FAM149A: variants seen among roughly 807,000 people sequenced by gnomAD.
FAM149A encodes family with sequence similarity 149 member A.
Under a neutral mutation model 78.2 loss-of-function variants are expected in FAM149A, and 71 were observed. That is an observed-to-expected ratio of 0.91 (90% confidence interval 0.75 to 1.11). The LOEUF is 1.11. Among genes scored for constraint, FAM149A ranks in the 50% least tolerant of loss-of-function variants. The pLI, the probability that FAM149A is intolerant of heterozygous loss-of-function variation, is 0.00. For synonymous variants in FAM149A, 446 were observed against 410.5 expected, an observed-to-expected ratio of 1.09 and a Z score of -1.04; for missense variants, 1,036 against 971.0, an observed-to-expected ratio of 1.07 and a Z score of -0.89.
chr4:186,167,263 G>A lies in FAM149A; in HGVS notation c.2218+1G>A. The A allele has an allele frequency of 6.2e-7, 1 of 1,612,084 alleles. No homozygotes were observed. Among genetic ancestry groups the A allele is most frequent in the Non-Finnish European group, 8.5e-7 (1 of 1,178,132 alleles). On this transcript the variant is annotated splice_donor_variant, in intron 13 of 13. Coordinates refer to ENST00000389354, the MANE Select transcript of FAM149A (RefSeq NM_001367768.3). LOFTEE classifies it high-confidence loss of function. ...TGGACAGGTCAAAGTATTTTGACAG[G>A]TCAGCTTTTCTCCATATGTAAATAA...
intron 1 of FAM149A, among the ~76,000 whole-genome samples, chr4:186,111,209 G>C (rs2099311133): frequency 6.6e-6 from 1 of 151,086 alleles, no homozygotes; most frequent in Non-Finnish European, 1.5e-5. Context: ...AGAAGTGTCT[G>C]TTCATGTCCT....
rs779227790 is a variant in FAM149A, at chr4:186,154,395, C to T, written c.1059-73C>T. On this transcript the variant is annotated intron_variant, in intron 5 of 13. Transcript: ENST00000389354. ...GTACTTTACAGATAATTGAAAGATC[C>T]GCCATGATCGTTTAAGCATTGCGTT... 1.1e-4 allele frequency: 142 copies of T among 1,265,154 alleles called. 1 individual carries two copies. Among genetic ancestry groups the T allele is most frequent in the Non-Finnish European group, 1.4e-4 (125 of 913,544 alleles). The allele number at this position is 1,265,154 out of a possible 1,614,324, so 78.4% of individuals were successfully genotyped here. A position where few individuals can be genotyped will look rare whatever the true frequency, so the allele number is the denominator to read the frequency against.
At chr4:186,158,741 C>T (rs949237824) in intron 8 of FAM149A, 21 of 1,085,586 alleles carry the variant, frequency 1.9e-5, no homozygotes, top group Admixed American at 4.3e-5. Context: ...GCCTATTCAG[C>T]CGTCCCTACT....
intron 13 of FAM149A, among the ~76,000 whole-genome samples, chr4:186,170,078 C>T (rs748522974): frequency 6.6e-5 from 10 of 152,194 alleles, no homozygotes; most frequent in African/African-American, 2.2e-4. Context: ...TCTTCCTTTC[C>T]ACCAGGTGCA....
rs141900902 is a variant in FAM149A, at chr4:186,130,314, T to TATATATATATATATATATATAA, written c.567-18858_567-18857insTATATATATATATATATATAAA. Among the ~76,000 whole-genome samples, 219 of 116,434 alleles carry TATATATATATATATATATATAA rather than the reference T, an allele frequency of 1.9e-3. 3 individuals are homozygous for TATATATATATATATATATATAA. The highest frequency in any genetic ancestry group is 4.6e-3 in the Middle Eastern group (1 of 218). 76.4% of individuals were successfully genotyped at this position (116,434 alleles called of 152,430 possible). On this transcript the variant is annotated intron_variant, in intron 1 of 13. Transcript: ENST00000389354. ...CTCTCTATATATATATATATATATA[T>TATATATATATATATATATATAA]AATCTATATCGACAGAACTAAAAGG...
At chr4:186,138,047 A>G (rs1186832226) in intron 1 of FAM149A, among the ~76,000 whole-genome samples, 2 of 152,218 alleles carry the variant, frequency 1.3e-5, no homozygotes, top group Non-Finnish European at 2.9e-5. Flanking sequence ...TAATGCAAGC[A>G]TTTTTAAAAC....
chr4:186,123,954 A>C, intron 1 of FAM149A: 1 of 985,310 alleles, frequency 1.0e-6, no homozygotes, highest in Non-Finnish European at 1.2e-6. Context: ...CTATTCTAAA[A>C]ATTTGCCATC....
rs1340897454 is a variant in FAM149A at position 186,153,956 on chromosome 4, G to A, written c.1058+186G>A. Among the ~76,000 whole-genome samples, 6 of 152,228 alleles carry A rather than the reference G, an allele frequency of 3.9e-5. No homozygotes were observed. In the South Asian group the frequency reaches 6.2e-4, roughly 16 times the overall value. On this transcript the variant is annotated intron_variant, in intron 5 of 13. Transcript: ENST00000389354. ...TTCTGAATTGATGATAGGTGTATAT[G>A]TGTGTATATAGAGAGATGTGTAATA...
chr4:186,137,830 C>T (rs779972716), intron 1 of FAM149A, among the ~76,000 whole-genome samples: 2 of 151,594 alleles, frequency 1.3e-5, no homozygotes, highest in Non-Finnish European at 2.9e-5. Flanking sequence ...TTATAAATTT[C>T]ACCACTTAGG....
intron 9 of FAM149A, among the ~76,000 whole-genome samples, 200 bp downstream of exon 9, chr4:186,163,148 G>A (rs1187189587): frequency 6.6e-6 from 1 of 152,188 alleles, no homozygotes; most frequent in East Asian, 1.9e-4. Flanking sequence ...ATTTGGTAGG[G>A]AGAGATGGGG....
chr4:186,154,975 T>C, intron 6 of FAM149A: 1 of 982,512 alleles, frequency 1.0e-6, no homozygotes, highest in Non-Finnish European at 1.2e-6. Flanking sequence ...TTCTTTTTTT[T>C]TTTTTGAGAC....
chr4:186,160,710 C>T (rs1579918085), intron 8 of FAM149A: 2 of 799,732 alleles, frequency 2.5e-6, no homozygotes, highest in Non-Finnish European at 3.0e-6. Flanking sequence ...CACTACCACA[C>T]ACCACACACA....
At position 186,128,912 on chromosome 4, in the gene FAM149A, G is replaced by C. The variant is rs114786957; in HGVS notation, c.567-20261G>C. ...TGTATGTGTGTGTGTCTGGGTATGC[G>C]TCTTATGTGTTTCTGTGTGTGTGCA... is the stretch of plus-strand genomic sequence containing the variant. On this transcript the variant is annotated intron_variant, in intron 1 of 13. Coordinates refer to ENST00000389354, the MANE Select transcript of FAM149A (RefSeq NM_001367768.3). Among the ~76,000 whole-genome samples, 894 of 151,552 alleles carry C rather than the reference G, an allele frequency of 5.9e-3. 11 individuals carry two copies. The highest frequency in any genetic ancestry group is 0.021 in the African/African-American group (854 of 41,298).
chr4:186,156,682 A>G (rs1462969784), intron 7 of FAM149A, among the ~76,000 whole-genome samples: 2 of 151,888 alleles, frequency 1.3e-5, no homozygotes, highest in African/African-American at 4.8e-5. Context: ...CTCCATCTCA[A>G]AAAAAAAGAA....
intron 11 of FAM149A, among the ~76,000 whole-genome samples, chr4:186,165,720 A>T (rs913153753): frequency 2.0e-5 from 3 of 152,218 alleles, no homozygotes; most frequent in Non-Finnish European, 4.4e-5. Context: ...TGTCAAGGAA[A>T]TCTCTGATAG....
At chr4:186,124,087 C>T (rs1424015900) in intron 1 of FAM149A, 12 of 981,714 alleles carry the variant, frequency 1.2e-5, no homozygotes, top group Non-Finnish European at 1.4e-5. Context: ...GGTACATCCC[C>T]AAAGAGGTGT....
At chr4:186,136,054 C>A (rs371299887) in intron 1 of FAM149A, among the ~76,000 whole-genome samples, 210 of 152,312 alleles carry the variant, frequency 1.4e-3, no homozygotes, top group Middle Eastern at 3.4e-3. Context: ...CTTAATATTT[C>A]AGTTACATAA....
chr4:186,145,190 C>A (rs1332669428), intron 1 of FAM149A: 1 of 974,674 alleles, frequency 1.0e-6, no homozygotes. Context: ...GCCCGCGGGC[C>A]GGCTGCGTCT....
At chr4:186,130,092 AG>A (rs753632110) in intron 1 of FAM149A, 1 of 152,050 alleles carries the variant, frequency 6.6e-6, no homozygotes, top group Non-Finnish European at 1.5e-5. Flanking sequence ...GCAAGAAAAA[AG>A]TGTTTTTTGC....
Sources: allele counts gnomAD v4.1 joint callset (sites outside exome capture counted in the v4.1 genomes callset), GRCh38; gene constraint gnomAD v4.1.1; transcripts MANE v1.5; gene names NCBI Gene and HGNC (gene_info 2026-07-23, HGNC 2026-07-21).